The following SLC7A4 variants were observed in gnomAD, a reference collection of about 807,000 sequenced individuals.
SLC7A4 encodes cationic amino acid transporter 4.
A neutral mutation model predicts 37.8 loss-of-function variants in SLC7A4; 30 were observed. That is an observed-to-expected ratio of 0.79 (90% CI 0.59 to 1.08). The LOEUF (loss-of-function observed/expected upper bound fraction) is 1.08. Ranked by LOEUF, SLC7A4 falls within the 50% of genes least tolerant of loss-of-function variation. The pLI, the probability that SLC7A4 is intolerant of heterozygous loss-of-function variation, is 0.00. For synonymous variants in SLC7A4, 359 were observed against 376.5 expected (o/e 0.95, Z 0.54); for missense variants, 839 against 843.2 (o/e 1.00, Z 0.06).
Position 21,031,722 on chromosome 22 carries a change from T to A in SLC7A4, c.91A>T (p.Thr31Ser). 6.2e-7 allele frequency: 1 copy of A among 1,611,596 alleles called. No homozygotes were observed. The highest frequency in any genetic ancestry group is 8.5e-7 in the Non-Finnish European group (1 of 1,178,942). ...GTGGACAGGCAGCGCCGCAGTGACG[T>A]CTCCATGGTGGAGTCCTCCAGCGGC... The part of the protein sequence containing the change: ...LKPLEDSTME[T>S]SLRRCLSTLD... Residue 31 changes from threonine to serine, a missense_variant, in exon 2 of 5, where the codon ACG becomes TCG. Thr to Ser is a moderately conservative substitution (Grantham distance 58). Transcript: ENST00000382932.
Position 21,031,053 on chromosome 22 carries a change from T to G in SLC7A4, c.760A>C (p.Ile254Leu). The G allele has an allele frequency of 6.2e-7, 1 of 1,613,976 alleles. No individual in the cohort carries two copies. The highest frequency in any genetic ancestry group is 8.5e-7 in the Non-Finnish European group (1 of 1,179,994). The change falls in exon 2 of 5, where the codon ATT (isoleucine) becomes CTT (leucine). Residue 254 changes from isoleucine to leucine, a missense_variant. Ile to Leu is a conservative substitution (Grantham distance 5, BLOSUM62 2). Coordinates refer to ENST00000382932, the MANE Select transcript of SLC7A4 (RefSeq NM_004173.3). ...CFYAFVGFDVIAASSEEAQNP... is the reference protein window; with the variant it reads ...CFYAFVGFDVLAASSEEAQNP... The stretch of plus-strand genomic sequence containing the variant: ...TGGGCCTCCTCACTGGAGGCGGCAA[T>G]GACGTCGAAGCCCACGAAAGCATAG...
In SLC7A4 at chr22:21,031,304, TC is replaced by T. The variant is rs1226993266; in HGVS notation, c.508del (p.Asp170ThrfsTer121). The part of the protein sequence containing the change: ...WQVPLLGHYP[D>X]FLAAGIILLA... ...GAGGATGATGCCAGCAGCCAGGAAG[TC>T]CGGGTAGTGGCCCAGGAGGGGCACC... On this transcript the variant is annotated frameshift_variant, in exon 2 of 5. Transcript: ENST00000382932. LOFTEE classifies it high-confidence loss of function. The T allele has an allele frequency of 1.2e-6, 2 of 1,609,414 alleles. No homozygotes were observed. The highest frequency in any genetic ancestry group is 2.7e-5 in the African/African-American group (2 of 74,722).
chr22:21,031,411 G>A lies in SLC7A4; in HGVS notation c.402C>T (p.Ala134=), dbSNP rs1601792448. 1 of 1,604,076 alleles carries A rather than the reference G, an allele frequency of 6.2e-7. No individual in the cohort carries two copies. Among genetic ancestry groups the A allele is most frequent in the Non-Finnish European group, 8.5e-7 (1 of 1,175,678 alleles). The change falls in exon 2 of 5, where the codon GCC becomes GCT. Residue 134 remains alanine (A), a synonymous_variant. Coordinates refer to ENST00000382932, the MANE Select transcript of SLC7A4 (RefSeq NM_004173.3). ...AGTCCAGGTAGCCACTCCAGGCACG[G>A]GCCACGGCGGCGCCACCGATGATGT... ...LEYIIGGAAV[A]RAWSGYLDSM...
Position 21,029,944 on chromosome 22 carries a change from G to A in SLC7A4, c.1390C>T (p.Pro464Ser). ...TACCCATCCAAGAAGCCCAGGTAGG[G>A]CCTCAGGGCTGGCTTCAGCTCCCCT... Reference protein sequence around the residue: ...EPGELKPALRPYLGFLDGYSP... With the variant: ...EPGELKPALRSYLGFLDGYSP... Residue 464 changes from proline (P) to serine (S), a missense_variant, in exon 3 of 5, where the codon CCC (proline) becomes TCC (serine). Transcript: ENST00000382932. The A allele has an allele frequency of 1.2e-6, 2 of 1,613,778 alleles. No homozygotes were observed. Among genetic ancestry groups the A allele is most frequent in the Non-Finnish European group, 1.7e-6 (2 of 1,179,962 alleles).
chr22:21,029,583 A>G, intron 3 of SLC7A4, 128 bp downstream of exon 3: 1 of 1,158,516 alleles, frequency 8.6e-7, no homozygotes, highest in Non-Finnish European at 1.3e-6. Flanking sequence ...CACCATGCAG[A>G]AAGGGGTGCG....
At position 21,028,892 on chromosome 22, in the gene SLC7A4, C is replaced by T. The variant is rs573912128; in HGVS notation, c.*163G>A. ...CAGCCAAGGCCCACTCCTGAAGACC[C>T]GAAGCCCAGCCCCTGGATGAAGGTC... is the stretch of plus-strand genomic sequence containing the variant. On this transcript the variant is annotated 3_prime_UTR_variant, in exon 5 of 5. Transcript: ENST00000382932. 4 of 676,280 alleles carry T rather than the reference C, an allele frequency of 5.9e-6. No homozygotes were observed. The highest frequency in any genetic ancestry group is 4.2e-5 in the South Asian group (2 of 47,290). The allele number at this position is 676,280 out of a possible 1,614,324, so 41.9% of individuals were successfully genotyped here. A position where few individuals can be genotyped will look rare whatever the true frequency, so the allele number is the denominator to read the frequency against.
rs765505853 is a variant in SLC7A4, at chr22:21,031,623, T to C, written c.190A>G (p.Lys64Glu). ...GLYVLTGAVA[K>E]EVAGPAVLLS... is the part of the protein sequence containing the mutation. Reference sequence around the variant, plus strand: ...AGCACAGCAGGGCCAGCCACCTCCTTGGCCACGGCACCTGTGAGCACGTAG... The same window carrying C: ...AGCACAGCAGGGCCAGCCACCTCCTCGGCCACGGCACCTGTGAGCACGTAG... Residue 64 changes from lysine (K) to glutamate (E), a missense_variant, in exon 2 of 5, where the codon AAG (lysine) becomes GAG (glutamate). Coordinates refer to ENST00000382932, the MANE Select transcript of SLC7A4 (RefSeq NM_004173.3). 3.7e-6 allele frequency: 6 copies of C among 1,609,036 alleles called. No individual in the cohort carries two copies. In the Admixed American group the frequency reaches 6.7e-5, roughly 18 times the overall value.
At chr22:21,031,883 C>T (rs982395795) in intron 1 of SLC7A4, 31 bp from the exon 2 acceptor site, 52 of 1,405,824 alleles carry the variant, frequency 3.7e-5, no homozygotes, top group Middle Eastern at 2.7e-4. Flanking sequence ...TGACAGGATG[C>T]GTAGCCGGGG....
At position 21,029,975 on chromosome 22, in the gene SLC7A4, A is replaced by G; in HGVS notation, c.1359T>C (p.Pro453=). The G allele has an allele frequency of 1.9e-6, 3 of 1,613,870 alleles. No homozygotes were observed. The highest frequency in any genetic ancestry group is 2.2e-5 in the South Asian group (2 of 91,078). The change falls in exon 3 of 5, where the codon CCT becomes CCC. Residue 453 remains proline, a synonymous_variant. Coordinates refer to ENST00000382932, the MANE Select transcript of SLC7A4 (RefSeq NM_004173.3). ...GGGCTGGCTTCAGCTCCCCTGGCTC[A>G]GGGACGGAGGCGTGTACAGTGCCCA... ...QLVGTVHASV[P]EPGELKPALR... is the part of the protein sequence containing the mutation.
At position 21,031,686 on chromosome 22, in the gene SLC7A4, T is replaced by TCAGGTC. The variant is rs755673084; in HGVS notation, c.121_126dup (p.Asp41_Leu42dup). 30 of 1,613,286 alleles carry TCAGGTC rather than the reference T, an allele frequency of 1.9e-5. No homozygotes were observed. In the East Asian group the frequency reaches 5.1e-4, roughly 28 times the overall value. ...ACCATGCCACCCACGCCCAGAAGAG[T>TCAGGTC]CAGGTCCAGCGTGGACAGGCAGCGC... On this transcript the variant is annotated inframe_insertion, in exon 2 of 5. Coordinates refer to ENST00000382932, the MANE Select transcript of SLC7A4 (RefSeq NM_004173.3).
chr22:21,031,938 T>C, intron 1 of SLC7A4, 86 bp from the exon 2 acceptor site: 1 of 948,284 alleles, frequency 1.1e-6, no homozygotes, highest in Non-Finnish European at 1.4e-6. Context: ...CCCCCAGTCC[T>C]CTCTCTGTCC....
At position 21,030,047 on chromosome 22, in the gene SLC7A4, G is replaced by A. The variant is rs183851442; in HGVS notation, c.1287C>T (p.Gly429=). 228 of 1,611,288 alleles carry A rather than the reference G, an allele frequency of 1.4e-4. No individual in the cohort carries two copies. The East Asian group carries it at 3.8e-3, about 27-fold the overall frequency. Residue 429 remains glycine, a synonymous_variant, in exon 3 of 5, where the codon GGC becomes GGT. Coordinates refer to ENST00000382932, the MANE Select transcript of SLC7A4 (RefSeq NM_004173.3). ...PPSSPGPASP[G]PLTKQQSSFS... Reference sequence around the variant, plus strand: ...AGGAGCTCTGCTGCTTGGTCAGGGGGCCAGGGCTGGCTGGGCCTGGGGAGC... The same window carrying A: ...AGGAGCTCTGCTGCTTGGTCAGGGGACCAGGGCTGGCTGGGCCTGGGGAGC...
Position 21,028,785 on chromosome 22 carries a change from C to T in SLC7A4, c.*270G>A. 2.6e-6 allele frequency: 1 copy of T among 387,628 alleles called. No homozygotes were observed. Among genetic ancestry groups the T allele is most frequent in the Non-Finnish European group, 4.6e-6 (1 of 217,780 alleles). 24.0% of individuals were successfully genotyped at this position (387,628 alleles called of 1,614,324 possible). A position where few individuals can be genotyped will look rare whatever the true frequency, so the allele number is the denominator to read the frequency against. On this transcript the variant is annotated 3_prime_UTR_variant, in exon 5 of 5. Transcript: ENST00000382932. ...GGATCCCTTGGGCTGTGGGCCTTCC[C>T]ATCCACCCCACCACAACTGCCCAGG...
At chr22:21,029,668 C>T (rs1490699459) in intron 3 of SLC7A4, 43 bp downstream of exon 3, 1 of 1,574,864 alleles carries the variant, frequency 6.3e-7, no homozygotes. Context: ...GGGGAGGCAG[C>T]TGCCTGGGCC....
rs1928831406 is a variant in SLC7A4 at position 21,030,057 on chromosome 22, G to C, written c.1277C>G (p.Ala426Gly). The C allele has an allele frequency of 6.2e-7, 1 of 1,610,964 alleles. No individual in the cohort carries two copies. The highest frequency in any genetic ancestry group is 8.5e-7 in the Non-Finnish European group (1 of 1,179,270). Residue 426 changes from alanine to glycine, a missense_variant, in exon 3 of 5, where the codon GCC (alanine) becomes GGC (glycine). Transcript: ENST00000382932. ...CTGCTTGGTCAGGGGGCCAGGGCTG[G>C]CTGGGCCTGGGGAGCTGGGCGGGGA... ...KSSPPSSPGP[A>G]SPGPLTKQQS...
At position 21,029,131 on chromosome 22, in the gene SLC7A4, C is replaced by T. The variant is rs199653579; in HGVS notation, c.1832G>A (p.Gly611Asp). Residue 611 changes from glycine to aspartate, a missense_variant, in exon 5 of 5, where the codon GGC becomes GAC. Physicochemically the swap from Gly to Asp is moderately conservative, Grantham distance 94 (BLOSUM62 -1). Transcript: ENST00000382932. ...NSTHYVVFPR[G>D]SLEETVQAMQ... ...AGCCTGCACTGTCTCCTCCAGGCTG[C>T]CCCTGGGGAATACCACGTAGTGTGT... The T allele has an allele frequency of 1.7e-4, 282 of 1,613,790 alleles. No homozygotes were observed. The Admixed American group carries it at 4.6e-3, about 26-fold the overall frequency.
rs746382872 is a variant in SLC7A4, at chr22:21,031,016, C to T, written c.797G>A (p.Arg266Gln). 54 of 1,613,966 alleles carry T rather than the reference C, an allele frequency of 3.3e-5. No individual in the cohort carries two copies. In the East Asian group the frequency reaches 4.2e-4, roughly 13 times the overall value. ...GATGGCGATGGCCAGAGGCACAGAC[C>T]GCCGTGGGTTCTGGGCCTCCTCACT... is the stretch of plus-strand genomic sequence containing the variant. ...ASSEEAQNPR[R>Q]SVPLAIAISL... Residue 266 changes from arginine to glutamine, a missense_variant, in exon 2 of 5, where the codon CGG (arginine) becomes CAG (glutamine). Coordinates refer to ENST00000382932, the MANE Select transcript of SLC7A4 (RefSeq NM_004173.3).
Position 21,031,721 on chromosome 22 carries a change from G to A in SLC7A4, c.92C>T (p.Thr31Met), listed in dbSNP as rs148236606. 2.4e-5 allele frequency: 39 copies of A among 1,611,668 alleles called. No homozygotes were observed. The East Asian group carries it at 3.8e-4, about 16-fold the overall frequency. ...CGTGGACAGGCAGCGCCGCAGTGAC[G>A]TCTCCATGGTGGAGTCCTCCAGCGG... ...LKPLEDSTME[T>M]SLRRCLSTLD... Residue 31 changes from threonine (T) to methionine (M), a missense_variant, in exon 2 of 5, where the codon ACG (threonine) becomes ATG (methionine). Transcript: ENST00000382932.
In SLC7A4 at chr22:21,031,024, G is replaced by A. The variant is rs1012496683; in HGVS notation, c.789C>T (p.Asn263=). ...TGGCCAGAGGCACAGACCGCCGTGG[G>A]TTCTGGGCCTCCTCACTGGAGGCGG... ...VIAASSEEAQ[N]PRRSVPLAIA... The change falls in exon 2 of 5, where the codon AAC becomes AAT. Residue 263 remains asparagine, a synonymous_variant. Coordinates refer to ENST00000382932, the MANE Select transcript of SLC7A4 (RefSeq NM_004173.3). The A allele has an allele frequency of 1.2e-6, 2 of 1,614,024 alleles. No individual in the cohort carries two copies. The highest frequency in any genetic ancestry group is 2.7e-5 in the African/African-American group (2 of 74,948).
Sources: allele counts gnomAD v4.1 joint callset, GRCh38; gene constraint gnomAD v4.1.1; transcripts MANE v1.5; gene names NCBI Gene and HGNC (gene_info 2026-07-23, HGNC 2026-07-21).